FBN1: variants seen among roughly 807,000 people sequenced by gnomAD.
FBN1 encodes the protein fibrillin-1.
FBN1 carries 29 observed loss-of-function variants against 365.1 expected under a neutral mutation model. The ratio of observed to expected loss-of-function variants is 0.08; its 90% confidence interval spans 0.06 to 0.11. FBN1 has a LOEUF of 0.11. FBN1 is among the 10% of genes least tolerant of loss of function. The pLI is 1.00. For missense variants in FBN1, 2,476 were observed against 3,703.2 expected (o/e 0.67, Z 8.60); for synonymous variants, 1,210 against 1,270.5 (o/e 0.95, Z 1.01).
At chr15:48,559,539 C>A (rs2044208245) in intron 6 of FBN1, among the ~76,000 whole-genome samples, 1 of 152,160 alleles carries the variant, frequency 6.6e-6, no homozygotes, top group Non-Finnish European at 1.5e-5. Flanking sequence ...TTTTTACAAT[C>A]CTCAAGAACC....
intron 6 of FBN1, among the ~76,000 whole-genome samples, chr15:48,589,318 G>A (rs182936795): frequency 7.9e-5 from 12 of 152,288 alleles, no homozygotes; most frequent in Non-Finnish European, 1.0e-4. Context: ...GAGGGACAGT[G>A]AGTGGGAGAC....
intron 6 of FBN1, among the ~76,000 whole-genome samples, chr15:48,567,998 T>TAAGAAAGAAA (rs2044269942): frequency 1.8e-5 from 1 of 56,534 alleles, no homozygotes; most frequent in South Asian, 6.9e-4. Flanking sequence ...AGTATACAGA[T>TAAGAAAGAAA]AAGAAAGAAA....
At chr15:48,531,744 A>G (rs1597590395) in intron 8 of FBN1, among the ~76,000 whole-genome samples, 1 of 152,282 alleles carries the variant, frequency 6.6e-6, no homozygotes, top group East Asian at 1.9e-4. Flanking sequence ...AAGAGCTCTC[A>G]GGGTACTTCC....
Position 48,502,484 on chromosome 15 carries a change from T to C in FBN1, c.2113+1303A>G, listed in dbSNP as rs181069931. On this transcript the variant is annotated intron_variant, in intron 17 of 65. Coordinates refer to ENST00000316623, the MANE Select transcript of FBN1 (RefSeq NM_000138.5). The stretch of plus-strand genomic sequence containing the variant: ...ATTATGATTTACTCTTTAATTTGTT[T>C]CCTTTAGGGCAGAAATAAACTGACT... Among the ~76,000 whole-genome samples the C allele has an allele frequency of 2.2e-3, 332 of 152,366 alleles. 1 individual carries two copies. Among genetic ancestry groups the C allele is most frequent in the Middle Eastern group, 6.8e-3 (2 of 294 alleles).
At chr15:48,562,529 G>A (rs184396618) in intron 6 of FBN1, among the ~76,000 whole-genome samples, 1 of 152,324 alleles carries the variant, frequency 6.6e-6, no homozygotes, top group East Asian at 1.9e-4. Flanking sequence ...AAAGGGAAAT[G>A]TGAGTGCCTT....
At chr15:48,628,090 C>T (rs1322649488) in intron 2 of FBN1, among the ~76,000 whole-genome samples, 2 of 152,140 alleles carry the variant, frequency 1.3e-5, no homozygotes, top group East Asian at 1.9e-4. Flanking sequence ...TAGAGAATGA[C>T]GGACATGTTT....
At chr15:48,590,751 T>A (rs1027915311) in intron 6 of FBN1, among the ~76,000 whole-genome samples, 1 of 152,260 alleles carries the variant, frequency 6.6e-6, no homozygotes, top group Non-Finnish European at 1.5e-5. Context: ...GCTTCTCTAA[T>A]GAACTAAGGA....
Position 48,428,274 on chromosome 15 carries a change from T to C in FBN1, c.6997+72A>G, listed in dbSNP as rs1308397178. ...TTTTGACATTTTCTTGTATTTTAAA[T>C]AAGAAGTCTGGGTTTCCAGCATCCC... On this transcript the variant is annotated intron_variant, in intron 57 of 65. Transcript: ENST00000316623. The C allele has an allele frequency of 6.4e-6, 10 of 1,565,900 alleles. No individual in the cohort carries two copies. The Admixed American group carries it at 1.5e-4, about 24-fold the overall frequency.
At chr15:48,475,808 T>C (rs1294720303) in intron 32 of FBN1, among the ~76,000 whole-genome samples, 1 of 152,226 alleles carries the variant, frequency 6.6e-6, no homozygotes, top group African/African-American at 2.4e-5. Flanking sequence ...TCTGAAATGG[T>C]CCTGGGATCT....
At chr15:48,487,967 A>T in intron 27 of FBN1, 146 bp downstream of exon 27, 1 of 1,063,224 alleles carries the variant, frequency 9.4e-7, no homozygotes, top group African/African-American at 1.5e-5. Flanking sequence ...CATTCTTTCT[A>T]CCTCAGTCTC....
chr15:48,572,910 T>A (rs538955822), intron 6 of FBN1, among the ~76,000 whole-genome samples: 6 of 152,282 alleles, frequency 3.9e-5, no homozygotes, highest in African/African-American at 1.4e-4. Context: ...TAAATTTTTT[T>A]AAAAAACAAG....
chr15:48,480,733 T>C (rs2141286426), intron 32 of FBN1, among the ~76,000 whole-genome samples: 1 of 152,296 alleles, frequency 6.6e-6, no homozygotes, highest in East Asian at 1.9e-4. Flanking sequence ...CTGCAAATAT[T>C]TTAATATTTG....
intron 2 of FBN1, among the ~76,000 whole-genome samples, chr15:48,623,907 C>A (rs559826988): frequency 6.6e-6 from 1 of 152,130 alleles, no homozygotes; most frequent in Admixed American, 6.6e-5. Flanking sequence ...GGCATGTACA[C>A]ATGCACCCTC....
At position 48,445,428 on chromosome 15, in the gene FBN1, C is replaced by A. The variant is rs1292712431; in HGVS notation, c.5865G>T (p.Gln1955His). The A allele has an allele frequency of 6.2e-7, 1 of 1,612,834 alleles. No homozygotes were observed. Among genetic ancestry groups the A allele is most frequent in the South Asian group, 1.1e-5 (1 of 91,062 alleles). ...GQCINTVGSFQCQCNEGYEVA... is the reference protein window; with the variant it reads ...GQCINTVGSFHCQCNEGYEVA... ...CCTCATAGCCTTCATTGCACTGGCA[C>A]TGGAAAGACCCCACTGTATTAATGC... Residue 1955 changes from glutamine to histidine, a missense_variant, in exon 48 of 66, where the codon CAG becomes CAT. By Grantham distance (24) the Gln-to-His change is conservative. Coordinates refer to ENST00000316623, the MANE Select transcript of FBN1 (RefSeq NM_000138.5).
At chr15:48,633,765 T>C (rs1251077733) in intron 2 of FBN1, among the ~76,000 whole-genome samples, 1 of 152,190 alleles carries the variant, frequency 6.6e-6, no homozygotes, top group Admixed American at 6.5e-5. Context: ...ATTTCAAGTA[T>C]AGCAGAGAAC....
At chr15:48,425,240 A>AT in intron 60 of FBN1, 129 bp downstream of exon 60, 1 of 1,277,048 alleles carries the variant, frequency 7.8e-7, no homozygotes, top group East Asian at 2.3e-5. Context: ...CCATGGAGGC[A>AT]TTAACCCCAG....
chr15:48,449,897 C>T (rs369626406), intron 45 of FBN1, among the ~76,000 whole-genome samples: 34 of 152,152 alleles, frequency 2.2e-4, no homozygotes, highest in East Asian at 1.7e-3. Flanking sequence ...CAGCAACCCT[C>T]CCTGTGCCAG....
intron 44 of FBN1, among the ~76,000 whole-genome samples, chr15:48,455,590 G>A (rs546577315): frequency 1.3e-5 from 2 of 152,158 alleles, no homozygotes; most frequent in Non-Finnish European, 2.9e-5. Flanking sequence ...TCCTCTCCAG[G>A]TACCTGATCC....
intron 6 of FBN1, among the ~76,000 whole-genome samples, chr15:48,570,855 G>A (rs1035145476): frequency 1.3e-5 from 2 of 152,184 alleles, no homozygotes; most frequent in Non-Finnish European, 2.9e-5. Context: ...CAGGCTGCAG[G>A]GGATGGGTGG....
Sources: gnomAD v4.1 joint callset for allele counts (sites outside exome capture counted in the v4.1 genomes callset) on GRCh38, gnomAD v4.1.1 for gene constraint, MANE v1.5 for transcripts, NCBI Gene and HGNC (gene_info 2026-07-23, HGNC 2026-07-21) for gene names.